DYSF: variants seen among roughly 807,000 people sequenced by gnomAD.
The protein encoded by DYSF is dystrophy-associated fer-1-like 1.
In DYSF, 212 loss-of-function variants were observed where a neutral mutation model predicts 274.9. The ratio of observed to expected loss-of-function variants is 0.77; its 90% confidence interval spans 0.69 to 0.86. The LOEUF is 0.86. DYSF is among the 40% of genes least tolerant of loss of function. DYSF has a pLI of 0.00. For missense variants in DYSF, 2,666 were observed against 2,783.2 expected (o/e 0.96, Z 0.95); for synonymous variants, 1,091 against 1,078.7 (o/e 1.01, Z -0.22).
chr2:71,618,409 GGTGGT>G (rs2093983143), intron 40 of DYSF, among the ~76,000 whole-genome samples: 2 of 48,688 alleles, frequency 4.1e-5, no homozygotes, highest in African/African-American at 9.0e-5. Context: ...GTGTGGTAGA[GGTGGT>G]GTGTGTGTGG....
chr2:71,669,209 T>A lies in DYSF; in HGVS notation c.5642+2T>A. On this transcript the variant is annotated splice_donor_variant, in intron 50 of 55. Coordinates refer to ENST00000410020, the MANE Select transcript of DYSF (RefSeq NM_001130987.2). LOFTEE classifies it high-confidence loss of function. ...GATGAGCGACATTTATGTGAAAGGG[T>A]AGGGAGCCAGCGTCCTCTTGCCTGT... The A allele has an allele frequency of 6.2e-7, 1 of 1,602,224 alleles. No homozygotes were observed. The highest frequency in any genetic ancestry group is 8.5e-7 in the Non-Finnish European group (1 of 1,174,104).
chr2:71,590,737 C>G (rs569817712), intron 32 of DYSF, among the ~76,000 whole-genome samples: 3 of 152,228 alleles, frequency 2.0e-5, no homozygotes, highest in East Asian at 1.9e-4. Context: ...CAGCTCCCCC[C>G]ACCCAGATCC....
chr2:71,640,169 C>T lies in DYSF; in HGVS notation c.4528-3796C>T, dbSNP rs75101781. Among the ~76,000 whole-genome samples, 463 of 152,304 alleles carry T rather than the reference C, an allele frequency of 3.0e-3. 2 individuals are homozygous for T. Among genetic ancestry groups the T allele is most frequent in the African/African-American group, 0.011 (439 of 41,566 alleles). On this transcript the variant is annotated intron_variant, in intron 41 of 55. Transcript: ENST00000410020. ...ACCCTGCTTTACTGCTTCTTTATGT[C>T]TATATCACATGAAAATTATTGGCAG...
intron 40 of DYSF, among the ~76,000 whole-genome samples, chr2:71,618,051 TGTGTGTGGTAGAGATGGG>T (rs1347166358): frequency 9.3e-6 from 1 of 107,208 alleles, no homozygotes; most frequent in Non-Finnish European, 1.9e-5. Context: ...TGTGTGTGTG[TGTGTGTGGTAGAGATGGG>T]GTGTGTGTGT....
chr2:71,644,928 C>G (rs909552732), intron 42 of DYSF, among the ~76,000 whole-genome samples: 2 of 152,150 alleles, frequency 1.3e-5, no homozygotes, highest in African/African-American at 4.8e-5. Flanking sequence ...GAAAAGTTCC[C>G]TTATCCCCCT....
intron 32 of DYSF, among the ~76,000 whole-genome samples, chr2:71,591,713 C>G (rs538735971): frequency 2.6e-5 from 4 of 152,230 alleles, no homozygotes; most frequent in Non-Finnish European, 4.4e-5. Flanking sequence ...GGAGTGACTT[C>G]CTGGTCACAG....
intron 42 of DYSF, among the ~76,000 whole-genome samples, chr2:71,648,046 C>A (rs2094594413): frequency 6.6e-6 from 1 of 152,132 alleles, no homozygotes; most frequent in Non-Finnish European, 1.5e-5. Context: ...GTGGTGGGAA[C>A]AAAATTCAGC....
chr2:71,543,064 A>C (rs2152772961), intron 17 of DYSF, among the ~76,000 whole-genome samples: 1 of 148,868 alleles, frequency 6.7e-6, no homozygotes, highest in African/African-American at 2.5e-5. Context: ...CACCTCCCGG[A>C]CTGGGCAGCT....
intron 1 of DYSF, among the ~76,000 whole-genome samples, chr2:71,471,848 C>T (rs1411914332): frequency 6.6e-6 from 1 of 152,032 alleles, no homozygotes; most frequent in Non-Finnish European, 1.5e-5. Flanking sequence ...TGCCTGTAAT[C>T]CCAGCTACTT....
At chr2:71,530,399 G>T (rs149925855) in intron 14 of DYSF, among the ~76,000 whole-genome samples, 3 of 152,284 alleles carry the variant, frequency 2.0e-5, no homozygotes, top group African/African-American at 7.2e-5. Flanking sequence ...CGGGGCTCCG[G>T]GCTGCTCCTG....
intron 32 of DYSF, among the ~76,000 whole-genome samples, chr2:71,593,098 A>G (rs1457655755): frequency 6.6e-6 from 1 of 150,740 alleles, no homozygotes; most frequent in African/African-American, 2.4e-5. Context: ...CATAAAAAAC[A>G]TAAAGTGATA....
intron 1 of DYSF, among the ~76,000 whole-genome samples, chr2:71,477,086 G>A (rs2082451529): frequency 1.3e-5 from 2 of 152,080 alleles, no homozygotes; most frequent in Admixed American, 1.3e-4. Flanking sequence ...AAAACTCTGG[G>A]ATTTGTTCAC....
intron 1 of DYSF, among the ~76,000 whole-genome samples, chr2:71,455,160 C>T (rs1023036971): frequency 1.3e-5 from 2 of 152,220 alleles, no homozygotes; most frequent in Non-Finnish European, 2.9e-5. Flanking sequence ...TGATCCCAGG[C>T]ACATGCACAC....
At chr2:71,686,365 T>A in intron 55 of DYSF, 89 bp from the exon 56 acceptor site, 1 of 1,536,986 alleles carries the variant, frequency 6.5e-7, no homozygotes, top group South Asian at 1.1e-5. Flanking sequence ...CTTAGCCCCA[T>A]CCTCTGAGCC....
At chr2:71,620,669 G>C (rs1002267069) in intron 41 of DYSF, 60 bp downstream of exon 41, 49 of 1,482,064 alleles carry the variant, frequency 3.3e-5, no homozygotes, top group Middle Eastern at 1.7e-4. Context: ...TGGGGGTAGG[G>C]GGGTTAGGAG....
intron 52 of DYSF, among the ~76,000 whole-genome samples, chr2:71,677,287 C>T (rs909421283): frequency 6.6e-6 from 1 of 152,176 alleles, no homozygotes; most frequent in African/African-American, 2.4e-5. Flanking sequence ...ACTATGCATT[C>T]TACACTGAAA....
intron 1 of DYSF, among the ~76,000 whole-genome samples, chr2:71,458,899 G>C (rs142643601): frequency 6.6e-6 from 1 of 152,202 alleles, no homozygotes; most frequent in African/African-American, 2.4e-5. Context: ...CACTAGGAAA[G>C]GGTGGCCTGG....
At chr2:71,499,297 G>A (rs991803313) in intron 3 of DYSF, among the ~76,000 whole-genome samples, 5 of 152,196 alleles carry the variant, frequency 3.3e-5, no homozygotes, top group African/African-American at 1.2e-4. Context: ...GATTTTCCAT[G>A]TAAGTGAATA....
rs11385599 is a variant in DYSF at position 71,527,591 on chromosome 2, G to GAA, written c.1277-701_1277-700dup. Reference sequence around the variant, plus strand: ...TGTTGAATTCCCTGCAACGTTGTTTGAAAAAAACAAAATAGATGGGCAAAC... The same window carrying GAA: ...TGTTGAATTCCCTGCAACGTTGTTTGAAAAAAAAACAAAATAGATGGGCAAAC... On this transcript the variant is annotated intron_variant, in intron 13 of 55. Transcript: ENST00000410020. Among the ~76,000 whole-genome samples the GAA allele has an allele frequency of 7.6e-3, 1,158 of 152,086 alleles. 13 individuals are homozygous for GAA. The highest frequency in any genetic ancestry group is 0.026 in the African/African-American group (1,089 of 41,488).
Sources: gnomAD v4.1 joint callset for allele counts (sites outside exome capture counted in the v4.1 genomes callset) on GRCh38, gnomAD v4.1.1 for gene constraint, MANE v1.5 for transcripts, NCBI Gene and HGNC (gene_info 2026-07-23, HGNC 2026-07-21) for gene names.